The following ITIH5 variants were observed in gnomAD, a reference collection of about 807,000 sequenced individuals.
ITIH5 encodes the protein inter-alpha-trypsin inhibitor heavy chain H5.
ITIH5 carries 65 observed loss-of-function variants against 77.5 expected under a neutral mutation model. The ratio of observed to expected loss-of-function variants is 0.84; its 90% CI spans 0.69 to 1.03. ITIH5 has a LOEUF of 1.03. Ranked by LOEUF, ITIH5 falls within the 50% of genes least tolerant of loss-of-function variation. The pLI is 0.00. For synonymous variants in ITIH5, 525 were observed against 494.3 expected (o/e 1.06, Z -0.82); for missense variants, 1,208 against 1,213.1 (o/e 1.00, Z 0.06).
chr10:7,619,095 C>T (rs556796776), intron 5 of ITIH5: 1 of 152,400 alleles, frequency 6.6e-6, no homozygotes, highest in Admixed American at 6.5e-5. Flanking sequence ...GGACAGGTGG[C>T]ACAGCCCAGG....
At chr10:7,579,624 G>T (rs1429018151) in intron 9 of ITIH5, 131 bp downstream of exon 9, 2 of 867,174 alleles carry the variant, frequency 2.3e-6, no homozygotes, top group Middle Eastern at 2.3e-4. Context: ...ACCTCCCATT[G>T]CAATGAGCTA....
intron 5 of ITIH5, among the ~76,000 whole-genome samples, chr10:7,632,084 C>T (rs1833722757): frequency 6.6e-6 from 1 of 152,150 alleles, no homozygotes; most frequent in East Asian, 1.9e-4. Flanking sequence ...CAGGCATGAA[C>T]CACTGCACCT....
At chr10:7,629,388 T>C (rs558994590) in intron 5 of ITIH5, among the ~76,000 whole-genome samples, 2 of 150,530 alleles carry the variant, frequency 1.3e-5, no homozygotes, top group East Asian at 1.9e-4. Context: ...TGTTGTAGCG[T>C]GTGTCCATGT....
chr10:7,627,184 C>G (rs1473961774), intron 5 of ITIH5, among the ~76,000 whole-genome samples: 2 of 152,088 alleles, frequency 1.3e-5, no homozygotes, highest in Non-Finnish European at 2.9e-5. Flanking sequence ...AAAGCTAATA[C>G]ATGCGGGGCT....
chr10:7,652,431 G>A (rs1588429653), intron 2 of ITIH5, among the ~76,000 whole-genome samples: 1 of 152,154 alleles, frequency 6.6e-6, no homozygotes, highest in East Asian at 1.9e-4. Context: ...TATCCCACGG[G>A]TGATGTGGAG....
At chr10:7,628,829 G>GTGTATCCCTGTTGTAGCA (rs1564269038) in intron 5 of ITIH5, among the ~76,000 whole-genome samples, 1 of 103,998 alleles carries the variant, frequency 9.6e-6, no homozygotes, top group East Asian at 2.7e-4. Flanking sequence ...ATGTTGTAGC[G>GTGTATCCCTGTTGTAGCA]TGTGTCCCTG....
rs545997814 is a variant in ITIH5 at position 7,582,000 on chromosome 10, C to T, written c.1109-1936G>A. Among the ~76,000 whole-genome samples the T allele has an allele frequency of 1.7e-4, 25 of 151,422 alleles. No homozygotes were observed. The East Asian group carries it at 2.7e-3, about 16-fold the overall frequency. The stretch of plus-strand genomic sequence containing the variant: ...AAGCAATTCTCCTGCCTCAGCCTCC[C>T]GAGTAGCTGGGATTACAGGCACACG... On this transcript the variant is annotated intron_variant, in intron 8 of 13. Transcript: ENST00000397146.
At chr10:7,595,348 T>TC (rs60882471) in intron 7 of ITIH5, among the ~76,000 whole-genome samples, 109,355 of 152,076 alleles carry the variant, frequency 0.72, 40,947 homozygotes, top group East Asian at 0.98. Flanking sequence ...AAGAATATAT[T>TC]TCTTACTATT....
chr10:7,633,730 T>C (rs1833748964), intron 5 of ITIH5, among the ~76,000 whole-genome samples: 1 of 151,734 alleles, frequency 6.6e-6, no homozygotes, highest in African/African-American at 2.4e-5. Flanking sequence ...ACTCTGCAAG[T>C]GCTTAGTCTA....
At chr10:7,633,540 C>G in intron 5 of ITIH5, among the ~76,000 whole-genome samples, 1 of 152,068 alleles carries the variant, frequency 6.6e-6, no homozygotes, top group East Asian at 1.9e-4. Context: ...AAGGGTATAA[C>G]TTGGAATAAA....
At chr10:7,607,400 A>G (rs182238651) in intron 7 of ITIH5, among the ~76,000 whole-genome samples, 1 of 152,150 alleles carries the variant, frequency 6.6e-6, no homozygotes, top group Non-Finnish European at 1.5e-5. Context: ...TAATCCCAAC[A>G]CTTTGGAAGC....
At chr10:7,568,422 C>T (rs182261160) in intron 12 of ITIH5, among the ~76,000 whole-genome samples, 26 of 152,276 alleles carry the variant, frequency 1.7e-4, no homozygotes, top group East Asian at 9.6e-4. Context: ...ACGGACATCT[C>T]GCTGAAGACA....
At chr10:7,580,362 C>T (rs538264624) in intron 8 of ITIH5, among the ~76,000 whole-genome samples, 59 of 152,228 alleles carry the variant, frequency 3.9e-4, no homozygotes, top group African/African-American at 1.3e-3. Context: ...TCAAGTAATC[C>T]GCCCACCTTG....
Position 7,639,714 on chromosome 10 carries a change from C to A in ITIH5, c.401+1040G>T, listed in dbSNP as rs1056898955. Reference sequence around the variant, plus strand: ...AATAATCTTAGTGTACTAGGTGGCTCTGCATGCAGTTCATGTTATTTCTAT... The same window carrying A: ...AATAATCTTAGTGTACTAGGTGGCTATGCATGCAGTTCATGTTATTTCTAT... On this transcript the variant is annotated intron_variant, in intron 4 of 13. Transcript: ENST00000397146. Among the ~76,000 whole-genome samples, 3 of 152,146 alleles carry A rather than the reference C, an allele frequency of 2.0e-5. No homozygotes were observed. The South Asian group carries it at 6.2e-4, about 32-fold the overall frequency.
chr10:7,648,414 G>A (rs1316299556), intron 2 of ITIH5, among the ~76,000 whole-genome samples: 10 of 152,162 alleles, frequency 6.6e-5, no homozygotes, highest in Admixed American at 6.5e-4. Flanking sequence ...CCATTAAATT[G>A]TACACATTGA....
intron 8 of ITIH5, 52 bp downstream of exon 8, chr10:7,585,849 A>AG (rs373952012): frequency 0.25 from 370,023 of 1,469,852 alleles, 51,779 homozygotes; most frequent in East Asian, 0.43. Flanking sequence ...AACCAAAAAA[A>AG]AAAACATTAT....
intron 2 of ITIH5, among the ~76,000 whole-genome samples, chr10:7,649,845 A>G (rs1356139213): frequency 6.6e-6 from 1 of 152,246 alleles, no homozygotes; most frequent in Non-Finnish European, 1.5e-5. Context: ...GCAGAGGCTC[A>G]TGAAAATGTG....
chr10:7,595,851 A>C (rs914212056), intron 7 of ITIH5, among the ~76,000 whole-genome samples: 2 of 152,026 alleles, frequency 1.3e-5, no homozygotes, highest in African/African-American at 4.8e-5. Flanking sequence ...TACTAATAAT[A>C]CAAAAAATTA....
In ITIH5 at chr10:7,576,652, G is replaced by A. The variant is rs181083224; in HGVS notation, c.1779C>T (p.Asp593=). ...KELLSSWLQS[D]DEPEKERLRQ... ...GCAGCCGCTCCTTCTCCGGTTCATC[G>A]TCACTTTGCAGCCAGGAGCTCAGCA... Residue 593 remains aspartate (D), a synonymous_variant, in exon 10 of 14, where the codon GAC becomes GAT. Coordinates refer to ENST00000397146, the MANE Select transcript of ITIH5 (RefSeq NM_030569.7). The A allele has an allele frequency of 1.1e-5, 18 of 1,614,166 alleles. No homozygotes were observed. The highest frequency in any genetic ancestry group is 4.5e-5 in the East Asian group (2 of 44,882).
Sources: gnomAD v4.1 joint callset for allele counts (sites outside exome capture counted in the v4.1 genomes callset) on GRCh38, gnomAD v4.1.1 for gene constraint, MANE v1.5 for transcripts, NCBI Gene and HGNC (gene_info 2026-07-23, HGNC 2026-07-21) for gene names.